EYS: variants seen among roughly 807,000 people sequenced by gnomAD.
EYS encodes protein eyes shut homolog.
Under a neutral mutation model 282.1 loss-of-function variants are expected in EYS, and 250 were observed. The observed-to-expected ratio is 0.89, with a 90% CI of 0.80 to 0.98. The LOEUF (loss-of-function observed/expected upper bound fraction) is 0.98, where lower values mean the gene tolerates loss of function less well. Among genes scored for constraint, EYS ranks in the 50% least tolerant of loss-of-function variants. EYS has a pLI of 0.00. For synonymous variants in EYS, 1,355 were observed against 1,282.9 expected (o/e 1.06, Z -1.20); for missense variants, 4,016 against 3,709.0 (o/e 1.08, Z -2.15).
intron 41 of EYS, among the ~76,000 whole-genome samples, chr6:63,760,670 ATCT>A (rs1769612672): frequency 1.3e-5 from 2 of 151,004 alleles, no homozygotes; most frequent in South Asian, 4.2e-4. Flanking sequence ...CTATCTATCT[ATCT>A]ATCTATCTAT....
At chr6:64,147,622 A>T (rs963731913) in intron 31 of EYS, among the ~76,000 whole-genome samples, 1 of 152,162 alleles carries the variant, frequency 6.6e-6, no homozygotes, top group East Asian at 1.9e-4. Context: ...CCAACACTTC[A>T]TCTGTCTCTC....
chr6:64,700,974 T>C (rs1770766243), intron 22 of EYS, among the ~76,000 whole-genome samples: 1 of 152,072 alleles, frequency 6.6e-6, no homozygotes, highest in Admixed American at 6.6e-5. Context: ...CAAATTATAC[T>C]ACAAGGCTAT....
chr6:63,860,030 C>G (rs1043907255), intron 36 of EYS, among the ~76,000 whole-genome samples: 1 of 152,184 alleles, frequency 6.6e-6, no homozygotes, highest in Admixed American at 6.5e-5. Context: ...TTCTGTGCCT[C>G]TTCTACAGTG....
At chr6:64,317,980 A>G (rs980973806) in intron 29 of EYS, among the ~76,000 whole-genome samples, 1 of 152,112 alleles carries the variant, frequency 6.6e-6, no homozygotes, top group Non-Finnish European at 1.5e-5. Flanking sequence ...TTGAACAATG[A>G]GAACACATGG....
chr6:64,053,947 A>G (rs1209773962), intron 33 of EYS, among the ~76,000 whole-genome samples: 1 of 152,140 alleles, frequency 6.6e-6, no homozygotes, highest in African/African-American at 2.4e-5. Flanking sequence ...CATGGCCTTT[A>G]CATACTTAAC....
At chr6:65,104,374 C>A (rs1561967625) in intron 12 of EYS, among the ~76,000 whole-genome samples, 1 of 151,374 alleles carries the variant, frequency 6.6e-6, no homozygotes, top group Admixed American at 6.6e-5. Flanking sequence ...TAATTTACAT[C>A]TTTCACATAC....
chr6:64,440,494 C>T (rs1244664194), intron 26 of EYS, among the ~76,000 whole-genome samples: 1 of 151,782 alleles, frequency 6.6e-6, no homozygotes, highest in Non-Finnish European at 1.5e-5. Flanking sequence ...TGTGTTTAAT[C>T]AAGGACTGAC....
At chr6:64,882,007 A>C (rs1019539645) in intron 19 of EYS, among the ~76,000 whole-genome samples, 2 of 151,814 alleles carry the variant, frequency 1.3e-5, no homozygotes, top group African/African-American at 4.8e-5. Flanking sequence ...AGCTTTTGAT[A>C]AAAGAGAAAT....
intron 11 of EYS, among the ~76,000 whole-genome samples, chr6:65,326,617 G>A (rs1769629416): frequency 6.6e-6 from 1 of 150,900 alleles, no homozygotes; most frequent in African/African-American, 2.4e-5. Context: ...TTTTATATGA[G>A]ACCATATAGA....
intron 13 of EYS, among the ~76,000 whole-genome samples, chr6:65,022,125 C>T (rs984720707): frequency 6.6e-6 from 1 of 152,214 alleles, no homozygotes; most frequent in African/African-American, 2.4e-5. Flanking sequence ...TGTGTTTTAG[C>T]TGCCTAGCGT....
chr6:64,598,271 T>G (rs371507456), intron 24 of EYS, among the ~76,000 whole-genome samples: 1 of 152,082 alleles, frequency 6.6e-6, no homozygotes, highest in African/African-American at 2.4e-5. Context: ...CCATCCTTGC[T>G]AACACGGTGA....
chr6:63,779,114 A>G (rs1770140735), intron 39 of EYS: 1 of 150,216 alleles, frequency 6.7e-6, no homozygotes, highest in Non-Finnish European at 1.5e-5. Context: ...TTATGTTGTC[A>G]CATTTTTCTC....
chr6:65,692,279 G>A (rs1453055029), intron 1 of EYS, among the ~76,000 whole-genome samples: 1 of 150,010 alleles, frequency 6.7e-6, no homozygotes, highest in Non-Finnish European at 1.5e-5. Flanking sequence ...GGGAGGTGAC[G>A]AATGAGAAAT....
intron 41 of EYS, among the ~76,000 whole-genome samples, chr6:63,728,062 T>C (rs940303515): frequency 1.3e-5 from 2 of 152,070 alleles, no homozygotes; most frequent in Non-Finnish European, 2.9e-5. Context: ...CAAGGGTGAT[T>C]TAAAATGTGA....
chr6:64,325,036 G>A (rs1242570892), intron 29 of EYS, among the ~76,000 whole-genome samples: 1 of 152,154 alleles, frequency 6.6e-6, no homozygotes, highest in East Asian at 1.9e-4. Flanking sequence ...ATTGCCCAAA[G>A]AAACTTAAAG....
At chr6:65,034,285 A>T (rs1156888638) in intron 13 of EYS, among the ~76,000 whole-genome samples, 1 of 152,174 alleles carries the variant, frequency 6.6e-6, no homozygotes, top group African/African-American at 2.4e-5. Flanking sequence ...GAGTTAATGA[A>T]ATGAATTAAA....
chr6:65,025,090 T>C (rs1772365661), intron 13 of EYS, among the ~76,000 whole-genome samples: 1 of 152,222 alleles, frequency 6.6e-6, no homozygotes, highest in South Asian at 2.1e-4. Context: ...AGAAAAGTGC[T>C]CTTCTGAATA....
chr6:64,986,240 T>G (rs950764817), intron 14 of EYS, among the ~76,000 whole-genome samples: 1 of 151,550 alleles, frequency 6.6e-6, no homozygotes, highest in African/African-American at 2.4e-5. Flanking sequence ...CCAGGCTTAT[T>G]ATTCAAAGAA....
At chr6:64,119,604 C>G (rs191861269) in intron 31 of EYS, among the ~76,000 whole-genome samples, 2 of 152,112 alleles carry the variant, frequency 1.3e-5, no homozygotes, top group Admixed American at 1.3e-4. Flanking sequence ...GAGTTCATAC[C>G]CATTTCCAGT....
Sources: gnomAD v4.1 joint callset for allele counts (sites outside exome capture counted in the v4.1 genomes callset) on GRCh38, gnomAD v4.1.1 for gene constraint, MANE v1.5 for transcripts, NCBI Gene and HGNC (gene_info 2026-07-23, HGNC 2026-07-21) for gene names.